TNFSF11: variants seen among roughly 807,000 people sequenced by gnomAD.
TNFSF11 encodes TNF superfamily member 11.
Under a neutral mutation model 32.2 loss-of-function variants are expected in TNFSF11, and 12 were observed. That is an observed-to-expected ratio of 0.37 (90% CI 0.24 to 0.60). The LOEUF (loss-of-function observed/expected upper bound fraction) is 0.60. Among genes scored for constraint, TNFSF11 ranks in the 20% least tolerant of loss-of-function variants. TNFSF11 has a pLI of 0.66. For missense variants in TNFSF11, 345 were observed against 398.0 expected, an observed-to-expected ratio of 0.87 and a Z score of 1.13; for synonymous variants, 172 against 152.1, an observed-to-expected ratio of 1.13 and a Z score of -0.96.
Position 42,574,318 on chromosome 13 carries a change from C to A in TNFSF11, c.15C>A (p.Ser5Arg). Residue 5 changes from serine to arginine, a missense_variant, in exon 1 of 5, where the codon AGC (serine) becomes AGA (arginine). By Grantham distance (110) the Ser-to-Arg change is moderately radical (BLOSUM62 -1). Around this residue, in one of 2 missense-constraint regions of TNFSF11, gnomAD observed 197 missense variants for 182.0 expected, o/e 1.08. Transcript: ENST00000398795. MRRA[S>R]RDYTKYLRGS... ...GGCCGAGCGCCATGCGCCGCGCCAG[C>A]AGAGACTACACCAAGTACCTGCGTG... The A allele has an allele frequency of 6.5e-7, 1 of 1,547,112 alleles. No individual in the cohort carries two copies. The highest frequency in any genetic ancestry group is 8.7e-7 in the Non-Finnish European group (1 of 1,146,324).
chr13:42,583,512 C>T (rs560873638), intron 2 of TNFSF11, among the ~76,000 whole-genome samples: 5 of 143,100 alleles, frequency 3.5e-5, no homozygotes, highest in Admixed American at 6.9e-5. Flanking sequence ...TCAATACCAA[C>T]GGGTTAAAGG....
At chr13:42,599,268 C>G (rs1010819989) in intron 2 of TNFSF11, among the ~76,000 whole-genome samples, 1 of 152,158 alleles carries the variant, frequency 6.6e-6, no homozygotes, top group African/African-American at 2.4e-5. Context: ...CTCCAGAATC[C>G]TTCCAGCTAA....
chr13:42,587,706 A>G (rs955297135), intron 2 of TNFSF11, among the ~76,000 whole-genome samples: 1 of 152,226 alleles, frequency 6.6e-6, no homozygotes, highest in African/African-American at 2.4e-5. Context: ...TTTGTAGATT[A>G]AAAAGAGCAT....
chr13:42,569,567 G>C (rs1490327918), upstream of TNFSF11, among the ~76,000 whole-genome samples: 8 of 148,708 alleles, frequency 5.4e-5, no homozygotes, highest in East Asian at 1.6e-3. Context: ...AAAAAGAAAA[G>C]AAAAGAAAAG....
intron 2 of TNFSF11, among the ~76,000 whole-genome samples, chr13:42,567,771 A>T (rs771384159): frequency 2.6e-5 from 4 of 152,352 alleles, no homozygotes; most frequent in South Asian, 2.1e-4. Flanking sequence ...CAAATTGTAA[A>T]CAAGAGCTAT....
At chr13:42,571,098 G>C (rs1300726954), upstream of TNFSF11, among the ~76,000 whole-genome samples, 1 of 152,168 alleles carries the variant, frequency 6.6e-6, no homozygotes, top group Non-Finnish European at 1.5e-5. Flanking sequence ...TATCTGTAGA[G>C]TAAATGAAGA....
In TNFSF11 at chr13:42,584,661, G is replaced by A. The variant is rs570910891; in HGVS notation, c.387+3368G>A. ...CAAATGAGTAACACTAATAATGAGC[G>A]ATTCACTACTTGGCAAACCATAAGG... On this transcript the variant is annotated intron_variant, in intron 2 of 4. Coordinates refer to ENST00000398795, the MANE Select transcript of TNFSF11 (RefSeq NM_003701.4). Among the ~76,000 whole-genome samples, 20 of 152,290 alleles carry A rather than the reference G, an allele frequency of 1.3e-4. No homozygotes were observed. In the South Asian group the frequency reaches 1.4e-3, roughly 11 times the overall value.
chr13:42,582,777 T>G (rs1435865215), intron 2 of TNFSF11, among the ~76,000 whole-genome samples: 1 of 152,244 alleles, frequency 6.6e-6, no homozygotes. Context: ...TCTATTCATT[T>G]TTATTGTTCT....
upstream of TNFSF11, among the ~76,000 whole-genome samples, chr13:42,570,220 C>G (rs1176491234): frequency 1.3e-5 from 2 of 152,202 alleles, no homozygotes; most frequent in African/African-American, 4.8e-5. Context: ...CATATCTGCA[C>G]TTTAATTTTC....
chr13:42,568,280 G>A (rs1023373540), intron 2 of TNFSF11, among the ~76,000 whole-genome samples: 1 of 152,174 alleles, frequency 6.6e-6, no homozygotes, highest in East Asian at 1.9e-4. Context: ...TTAAATTCCT[G>A]TGTTACTCTT....
At chr13:42,603,656 T>G (rs561938608) in intron 4 of TNFSF11, among the ~76,000 whole-genome samples, 10 of 152,304 alleles carry the variant, frequency 6.6e-5, no homozygotes, top group African/African-American at 2.4e-4. Context: ...TGCCCCTTCC[T>G]GAGCTGAGCT....
Position 42,606,516 on chromosome 13 carries a change from G to A in TNFSF11, c.552G>A (p.Leu184=). 1 of 1,614,176 alleles carries A rather than the reference G, an allele frequency of 6.2e-7. No individual in the cohort carries two copies. Among genetic ancestry groups the A allele is most frequent in the Non-Finnish European group, 8.5e-7 (1 of 1,180,040 alleles). ...CCACAGGTTCCCATAAAGTGAGTCT[G>A]TCCTCTTGGTACCATGATCGGGGTT... is the stretch of plus-strand genomic sequence containing the variant. ...DIPSGSHKVS[L]SSWYHDRGWA... is the part of the protein sequence containing the mutation. The change falls in exon 5 of 5, where the codon CTG becomes CTA. Residue 184 remains leucine (L), a synonymous_variant. Transcript: ENST00000398795.
At chr13:42,579,770 C>T (rs535148703) in intron 1 of TNFSF11, among the ~76,000 whole-genome samples, 1 of 115,190 alleles carries the variant, frequency 8.7e-6, no homozygotes, top group African/African-American at 3.3e-5. Context: ...TAAAAATTCA[C>T]ATATTATGAC....
chr13:42,574,746 C>T (rs1414793644), intron 1 of TNFSF11, among the ~76,000 whole-genome samples: 1 of 152,180 alleles, frequency 6.6e-6, no homozygotes, highest in Non-Finnish European at 1.5e-5. Flanking sequence ...CCCAGCTTCT[C>T]GGTGCTCTGG....
In TNFSF11 at chr13:42,574,607, C is replaced by T; in HGVS notation, c.219+85C>T. The stretch of plus-strand genomic sequence containing the variant: ...TTGGAAACTGAGTCTGGCGGCAGGG[C>T]TGGGCCACCCAGAGCTTGCATATTC... On this transcript the variant is annotated intron_variant, in intron 1 of 4. Coordinates refer to ENST00000398795, the MANE Select transcript of TNFSF11 (RefSeq NM_003701.4). 6 of 1,475,230 alleles carry T rather than the reference C, an allele frequency of 4.1e-6. No homozygotes were observed. The South Asian group carries it at 6.0e-5, about 15-fold the overall frequency. 91.4% of individuals were successfully genotyped at this position (1,475,230 alleles called of 1,614,324 possible).
chr13:42,576,770 TG>T (rs1873337719), intron 1 of TNFSF11, among the ~76,000 whole-genome samples: 1 of 152,276 alleles, frequency 6.6e-6, no homozygotes, highest in South Asian at 2.1e-4. Flanking sequence ...AGATACATTC[TG>T]AAATATTTAC....
chr13:42,573,972 C>T (rs2137851258), upstream of TNFSF11, among the ~76,000 whole-genome samples: 1 of 152,240 alleles, frequency 6.6e-6, no homozygotes, highest in South Asian at 2.1e-4. Context: ...CCAGCCTCCT[C>T]CTTGGAGGGC....
At chr13:42,605,473 T>C (rs1869404506) in intron 4 of TNFSF11, among the ~76,000 whole-genome samples, 1 of 152,222 alleles carries the variant, frequency 6.6e-6, no homozygotes, top group South Asian at 2.1e-4. Context: ...AATACAAATC[T>C]TTGATTAATT....
chr13:42,566,955 A>G (rs1853857), intron 2 of TNFSF11, among the ~76,000 whole-genome samples: 152,007 of 152,278 alleles, frequency 1, 75,869 homozygotes, highest in Middle Eastern at 1. Context: ...TTGCACCACT[A>G]CACTCTAGCC....
Sources: gnomAD v4.1 joint callset for allele counts (sites outside exome capture counted in the v4.1 genomes callset) on GRCh38, gnomAD v4.1.1 for gene constraint, gnomAD v4.1.1 regional missense constraint, MANE v1.5 for transcripts, NCBI Gene and HGNC (gene_info 2026-07-23, HGNC 2026-07-21) for gene names.